ITPR2: variants seen among roughly 807,000 people sequenced by gnomAD.
The protein encoded by ITPR2 is inositol 1,4,5-trisphosphate-gated calcium channel ITPR2.
In ITPR2, 207 loss-of-function variants were observed where a neutral mutation model predicts 317.1. The ratio of observed to expected loss-of-function variants is 0.65; its 90% CI spans 0.58 to 0.73. The LOEUF is 0.73. Ranked by LOEUF, ITPR2 falls within the 30% of genes least tolerant of loss-of-function variation. ITPR2 has a pLI of 0.00. For missense variants in ITPR2, 2,613 were observed against 3,284.0 expected (o/e 0.80, Z 4.99); for synonymous variants, 1,156 against 1,149.1 (o/e 1.01, Z -0.12).
intron 1 of ITPR2, among the ~76,000 whole-genome samples, chr12:26,822,117 T>TA (rs1241034977): frequency 6.6e-6 from 1 of 152,192 alleles, no homozygotes; most frequent in Non-Finnish European, 1.5e-5. Flanking sequence ...ATTACTTCAC[T>TA]AAAAATCTAA....
intron 2 of ITPR2, among the ~76,000 whole-genome samples, chr12:26,782,230 AGAG>A (rs937458469): frequency 6.6e-6 from 1 of 151,820 alleles, no homozygotes; most frequent in Non-Finnish European, 1.5e-5. Context: ...TCCAAAAATG[AGAG>A]GAGTTCTCAT....
Position 26,505,590 on chromosome 12 carries a change from A to G in ITPR2, c.5074-10330T>C, listed in dbSNP as rs556412488. ...TAAGTCCTCTTATAATAGCATGTAT[A>G]TCACCATGTGCTTTAGCTGTATATT... On this transcript the variant is annotated intron_variant, in intron 37 of 56. Transcript: ENST00000381340. Among the ~76,000 whole-genome samples, 3 of 152,340 alleles carry G rather than the reference A, an allele frequency of 2.0e-5. No homozygotes were observed. In the South Asian group the frequency reaches 6.2e-4, roughly 32 times the overall value.
intron 37 of ITPR2, among the ~76,000 whole-genome samples, chr12:26,513,493 T>C (rs1277598782): frequency 1.3e-5 from 2 of 152,276 alleles, no homozygotes; most frequent in Non-Finnish European, 2.9e-5. Context: ...AATTACTTCC[T>C]GTCCTGGGCA....
chr12:26,721,374 C>A, intron 5 of ITPR2: 1 of 580,724 alleles, frequency 1.7e-6, no homozygotes, highest in South Asian at 2.2e-5. Context: ...TCAAAATTCA[C>A]TGGAAAAATT....
At chr12:26,561,599 G>T (rs1944820036) in intron 35 of ITPR2, among the ~76,000 whole-genome samples, 163 bp downstream of exon 35, 1 of 152,124 alleles carries the variant, frequency 6.6e-6, no homozygotes, top group African/African-American at 2.4e-5. Context: ...ACGACATATG[G>T]AAGCTATATG....
intron 37 of ITPR2, among the ~76,000 whole-genome samples, chr12:26,532,727 C>T (rs978776635): frequency 3.3e-5 from 5 of 152,102 alleles, no homozygotes; most frequent in Non-Finnish European, 4.4e-5. Context: ...TTCGATGTTG[C>T]CCAGGCTGGA....
chr12:26,588,539 G>A (rs1304369393), intron 32 of ITPR2, among the ~76,000 whole-genome samples: 1 of 151,894 alleles, frequency 6.6e-6, no homozygotes, highest in African/African-American at 2.4e-5. Flanking sequence ...TTTTTAAATT[G>A]ACTTAATGTC....
intron 32 of ITPR2, among the ~76,000 whole-genome samples, 157 bp downstream of exon 32, chr12:26,595,308 A>T (rs1010051490): frequency 1.3e-5 from 2 of 152,194 alleles, no homozygotes; most frequent in Non-Finnish European, 2.9e-5. Flanking sequence ...AACTCATTAA[A>T]TCTCACTCAC....
At chr12:26,724,134 G>A (rs1294234829) in intron 4 of ITPR2, among the ~76,000 whole-genome samples, 1 of 152,044 alleles carries the variant, frequency 6.6e-6, no homozygotes, top group Non-Finnish European at 1.5e-5. Flanking sequence ...TGAAAAAGGT[G>A]GGGCATATAT....
chr12:26,607,963 C>CA (rs1005781103), intron 26 of ITPR2, among the ~76,000 whole-genome samples: 18 of 151,458 alleles, frequency 1.2e-4, no homozygotes, highest in South Asian at 2.1e-4. Flanking sequence ...TAAAAAAATA[C>CA]AAAAAAAATT....
At chr12:26,524,135 C>T (rs2136945486) in intron 37 of ITPR2, among the ~76,000 whole-genome samples, 1 of 152,260 alleles carries the variant, frequency 6.6e-6, no homozygotes, top group South Asian at 2.1e-4. Context: ...ATGCTTCTAA[C>T]CAAGCAACAG....
At chr12:26,588,050 T>C (rs1338679455) in intron 32 of ITPR2, among the ~76,000 whole-genome samples, 2 of 152,148 alleles carry the variant, frequency 1.3e-5, no homozygotes, top group Admixed American at 1.3e-4. Context: ...AGTAATAGAA[T>C]TGCCATTTAT....
chr12:26,602,240 G>A (rs1227921145), intron 28 of ITPR2, 130 bp downstream of exon 28: 2 of 870,540 alleles, frequency 2.3e-6, no homozygotes, highest in Non-Finnish European at 3.5e-6. Context: ...AGGGCTCAGG[G>A]GTGATGGGGC....
chr12:26,399,733 T>C (rs1214262048), intron 53 of ITPR2, among the ~76,000 whole-genome samples: 2 of 152,220 alleles, frequency 1.3e-5, no homozygotes, highest in Non-Finnish European at 2.9e-5. Flanking sequence ...AAATGTTATA[T>C]TTATCATAGA....
intron 21 of ITPR2, among the ~76,000 whole-genome samples, chr12:26,633,901 T>C (rs1427281748): frequency 6.6e-6 from 1 of 152,258 alleles, no homozygotes; most frequent in African/African-American, 2.4e-5. Context: ...GTCTGCATCT[T>C]ATTTAGATTT....
intron 26 of ITPR2, among the ~76,000 whole-genome samples, chr12:26,612,123 G>A (rs760772983): frequency 1.6e-4 from 24 of 152,156 alleles, no homozygotes; most frequent in Non-Finnish European, 3.1e-4. Context: ...ATTATAAACT[G>A]AGATTTGTTA....
At chr12:26,524,827 C>A (rs1161796629) in intron 37 of ITPR2, among the ~76,000 whole-genome samples, 1 of 152,092 alleles carries the variant, frequency 6.6e-6, no homozygotes, top group African/African-American at 2.4e-5. Context: ...AGCAGGTTAT[C>A]AATTGTATAA....
At chr12:26,781,427 A>G (rs1388439495) in intron 2 of ITPR2, among the ~76,000 whole-genome samples, 3 of 152,202 alleles carry the variant, frequency 2.0e-5, no homozygotes. Flanking sequence ...ATTATGTGAC[A>G]TAAGATTTAT....
At chr12:26,619,330 G>A (rs929778562) in intron 26 of ITPR2, among the ~76,000 whole-genome samples, 2 of 152,116 alleles carry the variant, frequency 1.3e-5, no homozygotes, top group African/African-American at 4.8e-5. Context: ...AAACACTGTT[G>A]GTTGCTAACC....
Sources: gnomAD v4.1 joint callset for allele counts (sites outside exome capture counted in the v4.1 genomes callset) on GRCh38, gnomAD v4.1.1 for gene constraint, MANE v1.5 for transcripts, NCBI Gene and HGNC (gene_info 2026-07-23, HGNC 2026-07-21) for gene names.